HECW2: variants seen among roughly 807,000 people sequenced by gnomAD.
HECW2 encodes the protein E3 ubiquitin-protein ligase HECW2.
Under a neutral mutation model 175.2 loss-of-function variants are expected in HECW2, and 61 were observed. The ratio of observed to expected loss-of-function variants is 0.35; its 90% CI spans 0.28 to 0.43. The LOEUF is 0.43. Ranked by LOEUF, HECW2 falls within the 20% of genes least tolerant of loss-of-function variation. The pLI is 1.00. For missense variants in HECW2, 1,524 were observed against 2,000.5 expected (o/e 0.76, Z 4.54); for synonymous variants, 671 against 731.0 (o/e 0.92, Z 1.32).
At chr2:196,215,535 T>C (rs1283624034) in intron 28 of HECW2, among the ~76,000 whole-genome samples, 2 of 152,212 alleles carry the variant, frequency 1.3e-5, no homozygotes, top group Non-Finnish European at 2.9e-5. Flanking sequence ...TAAATAGTTA[T>C]AAAGTTAAAA....
At position 196,322,807 on chromosome 2, in the gene HECW2, A is replaced by C. The variant is rs140674025; in HGVS notation, c.742-187T>G. On this transcript the variant is annotated intron_variant, in intron 6 of 28. Coordinates refer to ENST00000644978, the MANE Select transcript of HECW2 (RefSeq NM_001348768.2). ...GAATGATTAGCATTCACCATGATTAAAAAGCAGCAGTCAAGGATCTGTATG... is the reference window on the plus strand; with the variant it reads ...GAATGATTAGCATTCACCATGATTACAAAGCAGCAGTCAAGGATCTGTATG... 6.1e-4 allele frequency among the ~76,000 whole-genome samples: 93 copies of C among 152,348 alleles called. 1 individual carries two copies. In the East Asian group the frequency reaches 0.017, roughly 28 times the overall value.
At chr2:196,399,940 G>A (rs999875971) in intron 2 of HECW2, among the ~76,000 whole-genome samples, 1 of 152,180 alleles carries the variant, frequency 6.6e-6, no homozygotes, top group African/African-American at 2.4e-5. Flanking sequence ...GAATTAAGTA[G>A]ACTCCTGGAG....
intron 1 of HECW2, among the ~76,000 whole-genome samples, chr2:196,540,869 T>C (rs943362721): frequency 2.6e-5 from 4 of 152,182 alleles, no homozygotes; most frequent in Non-Finnish European, 1.5e-5. Context: ...TACAAAGAAA[T>C]GGCTGTTCCT....
At chr2:196,591,639 C>G (rs894922428) in intron 1 of HECW2, among the ~76,000 whole-genome samples, 1 of 152,114 alleles carries the variant, frequency 6.6e-6, no homozygotes, top group Non-Finnish European at 1.5e-5. Context: ...ACCCTCCACC[C>G]CACCCTACCC....
chr2:196,532,016 A>G (rs954094443), intron 1 of HECW2, among the ~76,000 whole-genome samples: 1 of 152,240 alleles, frequency 6.6e-6, no homozygotes, highest in African/African-American at 2.4e-5. Flanking sequence ...GGCAGCACCT[A>G]GCAATGTGCC....
intron 1 of HECW2, among the ~76,000 whole-genome samples, chr2:196,522,986 TTAAAG>T (rs1484286257): frequency 2.0e-5 from 3 of 152,088 alleles, no homozygotes; most frequent in Non-Finnish European, 4.4e-5. Context: ...CATATGAACT[TTAAAG>T]TAGTTTTTTC....
At chr2:196,337,050 A>C (rs1692573227) in intron 3 of HECW2, among the ~76,000 whole-genome samples, 1 of 152,150 alleles carries the variant, frequency 6.6e-6, no homozygotes, top group Non-Finnish European at 1.5e-5. Flanking sequence ...AAATATCAGA[A>C]TGTTCCACTC....
intron 2 of HECW2, among the ~76,000 whole-genome samples, chr2:196,377,021 T>A (rs766059609): frequency 6.6e-6 from 1 of 152,194 alleles, no homozygotes; most frequent in South Asian, 2.1e-4. Context: ...AGTTACAAAC[T>A]CTATAAAAAT....
At chr2:196,521,607 T>C (rs1349772746) in intron 1 of HECW2, among the ~76,000 whole-genome samples, 3 of 148,422 alleles carry the variant, frequency 2.0e-5, no homozygotes, top group African/African-American at 7.4e-5. Flanking sequence ...GCATTAGGTA[T>C]ATCTCCCAAT....
intron 1 of HECW2, among the ~76,000 whole-genome samples, chr2:196,583,549 C>A (rs1339004998): frequency 2.0e-5 from 3 of 152,126 alleles, no homozygotes. Flanking sequence ...GGACTGTGGA[C>A]CACACTTTGA....
At chr2:196,301,015 A>G (rs1266218467) in intron 13 of HECW2, among the ~76,000 whole-genome samples, 1 of 151,934 alleles carries the variant, frequency 6.6e-6, no homozygotes, top group African/African-American at 2.4e-5. Flanking sequence ...ATTATCCCTG[A>G]TGCTCGCCCT....
chr2:196,428,361 T>C (rs945259042), intron 2 of HECW2, among the ~76,000 whole-genome samples: 3 of 152,206 alleles, frequency 2.0e-5, no homozygotes, highest in African/African-American at 7.2e-5. Flanking sequence ...TCTCAGCACA[T>C]CTATTTCACA....
intron 1 of HECW2, among the ~76,000 whole-genome samples, chr2:196,494,596 A>G (rs557887271): frequency 1.3e-5 from 2 of 152,196 alleles, no homozygotes; most frequent in South Asian, 2.1e-4. Flanking sequence ...AACAGAGCAC[A>G]TAGGGAAGGC....
intron 1 of HECW2, among the ~76,000 whole-genome samples, chr2:196,571,942 T>TCAGTCTTAC (rs1690404044): frequency 6.6e-6 from 1 of 152,176 alleles, no homozygotes; most frequent in Non-Finnish European, 1.5e-5. Context: ...GTGAAATATT[T>TCAGTCTTAC]CAGTCTTACA....
At chr2:196,234,232 A>G (rs1252411666) in intron 21 of HECW2, among the ~76,000 whole-genome samples, 2 of 151,980 alleles carry the variant, frequency 1.3e-5, no homozygotes, top group Admixed American at 1.3e-4. Context: ...TTGGGTATTA[A>G]GAAATTAGTG....
chr2:196,556,915 G>GTATT, intron 1 of HECW2, among the ~76,000 whole-genome samples: 1 of 152,172 alleles, frequency 6.6e-6, no homozygotes, highest in Non-Finnish European at 1.5e-5. Flanking sequence ...CTGATTAAGA[G>GTATT]TTGATAGCCT....
Position 196,520,321 on chromosome 2 carries a change from T to C in HECW2, c.-36+73187A>G, listed in dbSNP as rs1575628774. On this transcript the variant is annotated intron_variant, in intron 1 of 28. Coordinates refer to ENST00000644978, the MANE Select transcript of HECW2 (RefSeq NM_001348768.2). ...GTAGACTGTGCCATTAAGGCTGGCA[T>C]CTTAGGCTTGATTCTTAAAGACCCT... is the stretch of plus-strand genomic sequence containing the variant. 2.6e-5 allele frequency among the ~76,000 whole-genome samples: 4 copies of C among 151,326 alleles called. No individual in the cohort carries two copies. In the South Asian group the frequency reaches 8.3e-4, roughly 31 times the overall value.
chr2:196,352,560 C>T (rs17240614), intron 2 of HECW2, among the ~76,000 whole-genome samples: 7,098 of 150,496 alleles, frequency 0.047, 206 homozygotes, highest in African/African-American at 0.061. Flanking sequence ...TGTTTTATTG[C>T]TGTATCCTCT....
chr2:196,262,634 C>T (rs1383390178), intron 17 of HECW2, among the ~76,000 whole-genome samples: 2 of 151,532 alleles, frequency 1.3e-5, no homozygotes, highest in South Asian at 4.2e-4. Flanking sequence ...GACCCAATCT[C>T]GACTCACTGC....
Sources: gnomAD v4.1 joint callset for allele counts (sites outside exome capture counted in the v4.1 genomes callset) on GRCh38, gnomAD v4.1.1 for gene constraint, MANE v1.5 for transcripts, NCBI Gene and HGNC (gene_info 2026-07-23, HGNC 2026-07-21) for gene names.